Variants in ARSB observed in about 807,000 individuals in gnomAD.
ARSB encodes the protein N-acetylgalactosamine-4-sulfatase.
ARSB carries 41 observed loss-of-function variants against 50.9 expected under a neutral mutation model. That is an observed-to-expected ratio of 0.81 (90% CI 0.63 to 1.04). The LOEUF (loss-of-function observed/expected upper bound fraction) is 1.04, where lower values mean the gene tolerates loss of function less well. ARSB is among the 50% of genes least tolerant of loss of function. The probability of loss-of-function intolerance (pLI) is 0.00; values close to 1 mark genes in which losing one functional copy is unlikely to be tolerated. For synonymous variants in ARSB, 269 were observed against 284.8 expected (o/e 0.94, Z 0.56); for missense variants, 672 against 693.3 (o/e 0.97, Z 0.35).
At chr5:78,929,374 G>C (rs530435501) in intron 4 of ARSB, among the ~76,000 whole-genome samples, 2 of 152,232 alleles carry the variant, frequency 1.3e-5, no homozygotes, top group Non-Finnish European at 2.9e-5. Flanking sequence ...CATGGCCTCA[G>C]ACACGGGAAA....
At chr5:78,909,939 CG>C (rs1382104866) in intron 4 of ARSB, among the ~76,000 whole-genome samples, 2 of 152,180 alleles carry the variant, frequency 1.3e-5, no homozygotes, top group Non-Finnish European at 2.9e-5. Flanking sequence ...GGAGAAAAGC[CG>C]CCCTGTGGCG....
rs1199341547 is a variant in ARSB, at chr5:78,872,366, C to T, written c.1142+13218G>A. On this transcript the variant is annotated intron_variant, in intron 5 of 7. Transcript: ENST00000264914. Reference sequence around the variant, plus strand: ...ATGCTGCTATAAAGACACATGCACACGTATGTTTATTGTGGCATTATTCAC... The same window carrying T: ...ATGCTGCTATAAAGACACATGCACATGTATGTTTATTGTGGCATTATTCAC... Among the ~76,000 whole-genome samples, 21 of 146,724 alleles carry T rather than the reference C, an allele frequency of 1.4e-4. No homozygotes were observed. In the East Asian group the frequency reaches 3.5e-3, roughly 25 times the overall value.
At chr5:78,903,204 G>C (rs1401147816) in intron 4 of ARSB, among the ~76,000 whole-genome samples, 4 of 152,198 alleles carry the variant, frequency 2.6e-5, no homozygotes, top group Non-Finnish European at 5.9e-5. Flanking sequence ...AGATCTCATT[G>C]CAAGTAAGCA....
At chr5:78,903,746 A>G (rs1400777524) in intron 4 of ARSB, among the ~76,000 whole-genome samples, 3 of 152,224 alleles carry the variant, frequency 2.0e-5, no homozygotes, top group Non-Finnish European at 2.9e-5. Context: ...ATCAAATGGA[A>G]AATGACTTCA....
At chr5:78,925,477 A>T (rs1361293857) in intron 4 of ARSB, among the ~76,000 whole-genome samples, 3 of 152,178 alleles carry the variant, frequency 2.0e-5, no homozygotes, top group Non-Finnish European at 4.4e-5. Flanking sequence ...GGATGCCTAA[A>T]TCCTTTTTAT....
rs57651882 is a variant in ARSB at position 78,905,910 on chromosome 5, CAAAAAAAA to C, written c.899-20091_899-20084del. 4.3e-3 allele frequency among the ~76,000 whole-genome samples: 407 copies of C among 94,398 alleles called. 3 individuals carry two copies. Among genetic ancestry groups the C allele is most frequent in the African/African-American group, 0.012 (279 of 23,804 alleles). 61.9% of individuals were successfully genotyped at this position (94,398 alleles called of 152,430 possible). A position where few individuals can be genotyped will look rare whatever the true frequency, so the allele number is the denominator to read the frequency against. On this transcript the variant is annotated intron_variant, in intron 4 of 7. Coordinates refer to ENST00000264914, the MANE Select transcript of ARSB (RefSeq NM_000046.5). The stretch of plus-strand genomic sequence containing the variant: ...GAGGTTGCCTTTGGGAGCAAAGTAG[CAAAAAAAA>C]AAAAAAAAAAAAAAAAAAAGAGGAA...
Position 78,851,032 on chromosome 5 carries a change from T to C in ARSB, c.1143-11606A>G, listed in dbSNP as rs1394978671. Among the ~76,000 whole-genome samples, 4 of 152,374 alleles carry C rather than the reference T, an allele frequency of 2.6e-5. 1 individual carries two copies. In the East Asian group the frequency reaches 7.7e-4, roughly 29 times the overall value. ...CCAGCTCCTGGATTCATTAATTTTT[T>C]GAAGGGTTTTTTGTGCCTCTATCTC... On this transcript the variant is annotated intron_variant, in intron 5 of 7. Transcript: ENST00000264914.
At chr5:78,913,636 A>G (rs1303061046) in intron 4 of ARSB, among the ~76,000 whole-genome samples, 4 of 152,184 alleles carry the variant, frequency 2.6e-5, no homozygotes, top group Non-Finnish European at 5.9e-5. Flanking sequence ...ATATTTCAAT[A>G]TAGGCTCAGT....
At chr5:78,789,393 G>A (rs1017294133) in intron 6 of ARSB, among the ~76,000 whole-genome samples, 1 of 152,210 alleles carries the variant, frequency 6.6e-6, no homozygotes, top group Non-Finnish European at 1.5e-5. Flanking sequence ...TGCTCAGAGA[G>A]AAGAGCATGG....
rs10060752 is a variant in ARSB, at chr5:78,972,865, C to T, written c.313-3673G>A. On this transcript the variant is annotated intron_variant, in intron 1 of 7. Transcript: ENST00000264914. ...GGTCAGCTGAAGCCTTCCTCCATTA[C>T]TGACAATCATATGGAGCAGGGAATG... Among the ~76,000 whole-genome samples the T allele has an allele frequency of 5.9e-3, 897 of 152,324 alleles. 5 individuals are homozygous for T. Among genetic ancestry groups the T allele is most frequent in the Non-Finnish European group, 8.7e-3 (592 of 68,030 alleles).
Position 78,900,351 on chromosome 5 carries a change from T to C in ARSB, c.899-14524A>G, listed in dbSNP as rs1336115823. Among the ~76,000 whole-genome samples the C allele has an allele frequency of 2.0e-5, 3 of 152,322 alleles. No individual in the cohort carries two copies. The East Asian group carries it at 5.8e-4, about 29-fold the overall frequency. On this transcript the variant is annotated intron_variant, in intron 4 of 7. Coordinates refer to ENST00000264914, the MANE Select transcript of ARSB (RefSeq NM_000046.5). ...CAGAGATATTTCTCCCTACAGGCAC[T>C]CACAATGCTTCCCATGAGTTAAGGC...
Position 78,815,783 on chromosome 5 carries a change from G to A in ARSB, c.1213+23573C>T, listed in dbSNP as rs530395014. 6.5e-6 allele frequency: 8 copies of A among 1,226,092 alleles called. 1 individual carries two copies. Among genetic ancestry groups the A allele is most frequent in the African/African-American group, 1.6e-5 (1 of 64,270 alleles). The allele number at this position is 1,226,092 out of a possible 1,614,324, so 76.0% of individuals were successfully genotyped here. On this transcript the variant is annotated intron_variant, in intron 6 of 7. Transcript: ENST00000264914. ...GAAAGGAATTTACTTTTGGGAAAAG[G>A]TAACACAAAGAACTTTGGTCTATGA...
chr5:78,837,275 T>C (rs1744995766), intron 6 of ARSB, among the ~76,000 whole-genome samples: 1 of 152,214 alleles, frequency 6.6e-6, no homozygotes, highest in Non-Finnish European at 1.5e-5. Context: ...ACATATCCCC[T>C]AGACCTAGGT....
intron 4 of ARSB, among the ~76,000 whole-genome samples, chr5:78,951,341 C>T (rs74622688): frequency 0.025 from 3,752 of 151,960 alleles, 148 homozygotes; most frequent in African/African-American, 0.085. Flanking sequence ...CTATACTATA[C>T]TAACAAGCTT....
intron 4 of ARSB, among the ~76,000 whole-genome samples, chr5:78,902,808 T>A (rs1748866893): frequency 6.6e-6 from 1 of 152,188 alleles, no homozygotes; most frequent in African/African-American, 2.4e-5. Context: ...ATTTCTTGTA[T>A]GTTTAATTTT....
At chr5:78,809,509 G>A (rs1436068153) in intron 6 of ARSB, among the ~76,000 whole-genome samples, 3 of 152,254 alleles carry the variant, frequency 2.0e-5, no homozygotes, top group African/African-American at 7.2e-5. Flanking sequence ...CAGGCAGACA[G>A]ATGATCCTGG....
At chr5:78,878,482 A>G (rs1035214125) in intron 5 of ARSB, among the ~76,000 whole-genome samples, 1 of 152,164 alleles carries the variant, frequency 6.6e-6, no homozygotes, top group Admixed American at 6.5e-5. Flanking sequence ...ATAGTGCCAT[A>G]AGTCAGTGAA....
At chr5:78,977,681 C>T (rs1030968713) in intron 1 of ARSB, among the ~76,000 whole-genome samples, 3 of 152,184 alleles carry the variant, frequency 2.0e-5, no homozygotes, top group Admixed American at 2.0e-4. Flanking sequence ...GCCACTTCTA[C>T]TCAATATTGC....
Position 78,778,086 on chromosome 5 carries a change from G to C in ARSB, c.*2311C>G, listed in dbSNP as rs1748821132. On this transcript the variant is annotated 3_prime_UTR_variant, in exon 8 of 8. Coordinates refer to ENST00000264914, the MANE Select transcript of ARSB (RefSeq NM_000046.5). ...TGAAAACCAAGGAACTAGAACTGGA[G>C]ACAGCTGTTGGGAGGACAGCAGCGA... 1 of 152,164 alleles carries C rather than the reference G, an allele frequency of 6.6e-6. No individual in the cohort carries two copies. Among genetic ancestry groups the C allele is most frequent in the African/African-American group, 2.4e-5 (1 of 41,430 alleles). The allele number at this position is 152,164 out of a possible 1,614,324, so 9.4% of individuals were successfully genotyped here. A position where few individuals can be genotyped will look rare whatever the true frequency, so the allele number is the denominator to read the frequency against.
Sources: gnomAD v4.1 joint callset for allele counts (sites outside exome capture counted in the v4.1 genomes callset) on GRCh38, gnomAD v4.1.1 for gene constraint, MANE v1.5 for transcripts, NCBI Gene and HGNC (gene_info 2026-07-23, HGNC 2026-07-21) for gene names.